STARD6: variants seen among roughly 807,000 people sequenced by gnomAD.
STARD6 encodes the protein stAR-related lipid transfer protein 6.
A neutral mutation model predicts 22.3 loss-of-function variants in STARD6; 21 were observed. That is an observed-to-expected ratio of 0.94 (90% CI 0.67 to 1.35). The LOEUF (loss-of-function observed/expected upper bound fraction) is 1.35, where lower values mean the gene tolerates loss of function less well. Ranked by LOEUF, STARD6 falls within the 40% of genes most tolerant of loss-of-function variation. STARD6 has a pLI of 0.00. For synonymous variants in STARD6, 80 were observed against 88.1 expected (o/e 0.91, Z 0.52); for missense variants, 269 against 266.9 (o/e 1.01, Z -0.05).
In STARD6 at chr18:54,354,516, C is replaced by T; in HGVS notation, c.58G>A (p.Asp20Asn). The T allele has an allele frequency of 1.2e-6, 2 of 1,613,498 alleles. No individual in the cohort carries two copies. Among genetic ancestry groups the T allele is most frequent in the East Asian group, 2.2e-5 (1 of 44,850 alleles). Residue 20 changes from aspartate to asparagine, a missense_variant, in exon 3 of 8, where the codon GAT (aspartate) becomes AAT (asparagine). Transcript: ENST00000307844. ...TTAACCACTTTCCAGCCTGATGTAT[C>T]TCGATTATAACCTAAAACTTCTTGG... ...TAQEVLGYNRDTSGWKVVKTS... is the reference protein window; with the variant it reads ...TAQEVLGYNRNTSGWKVVKTS...
intron 5 of STARD6, among the ~76,000 whole-genome samples, chr18:54,333,755 AT>A (rs1165396729): frequency 1.3e-5 from 2 of 152,218 alleles, no homozygotes; most frequent in Non-Finnish European, 2.9e-5. Context: ...AGTAGGTAAA[AT>A]TACAGAGTTC....
At chr18:54,342,145 G>A (rs1274449797) in intron 4 of STARD6, among the ~76,000 whole-genome samples, 5 of 152,160 alleles carry the variant, frequency 3.3e-5, no homozygotes, top group African/African-American at 7.2e-5. Context: ...AATGGACAAC[G>A]TCCTAGAAAA....
At chr18:54,342,961 A>C (rs1599305295) in intron 4 of STARD6, among the ~76,000 whole-genome samples, 1 of 1,308 alleles carries the variant, frequency 7.6e-4, no homozygotes, top group Non-Finnish European at 1.5e-3. Context: ...CCGGCCGCCC[A>C]GTCTGGGAAG....
intron 4 of STARD6, among the ~76,000 whole-genome samples, chr18:54,350,061 C>T (rs1018894789): frequency 6.6e-6 from 1 of 152,162 alleles, no homozygotes; most frequent in Non-Finnish European, 1.5e-5. Flanking sequence ...AATCTCCATG[C>T]TGTTTTCCAT....
chr18:54,342,564 C>T (rs1812503339), intron 4 of STARD6, among the ~76,000 whole-genome samples: 1 of 137,864 alleles, frequency 7.3e-6, no homozygotes, highest in African/African-American at 2.9e-5. Context: ...CTCACTGCAA[C>T]CTCCCTGCCT....
chr18:54,347,492 C>G (rs2089047960), intron 4 of STARD6, among the ~76,000 whole-genome samples: 1 of 151,768 alleles, frequency 6.6e-6, no homozygotes, highest in Non-Finnish European at 1.5e-5. Context: ...TAATATAAAC[C>G]CCAAATTCTA....
At chr18:54,335,815 C>T (rs577748684) in intron 5 of STARD6, among the ~76,000 whole-genome samples, 5 of 152,262 alleles carry the variant, frequency 3.3e-5, no homozygotes, top group African/African-American at 9.6e-5. Context: ...CCTGTTACCT[C>T]ATGCCAAGGT....
At chr18:54,345,377 T>C (rs1378012167) in intron 4 of STARD6, among the ~76,000 whole-genome samples, 3 of 152,176 alleles carry the variant, frequency 2.0e-5, no homozygotes, top group Admixed American at 1.3e-4. Flanking sequence ...GTTTAAGACA[T>C]ATACTGAAAC....
chr18:54,342,563 A>G (rs1221310317), intron 4 of STARD6, among the ~76,000 whole-genome samples: 5 of 123,958 alleles, frequency 4.0e-5, no homozygotes, highest in African/African-American at 1.6e-4. Context: ...GCTCACTGCA[A>G]CCTCCCTGCC....
At chr18:54,338,016 C>T (rs558701123) in intron 4 of STARD6, among the ~76,000 whole-genome samples, 1 of 152,264 alleles carries the variant, frequency 6.6e-6, no homozygotes, top group South Asian at 2.1e-4. Flanking sequence ...TGTGTTTATG[C>T]ACCGGCTCTG....
rs529775730 is a variant in STARD6 at position 54,325,244 on chromosome 18, C to A, written c.480-369G>T. Among the ~76,000 whole-genome samples, 324 of 151,878 alleles carry A rather than the reference C, an allele frequency of 2.1e-3. 1 individual carries two copies. The highest frequency in any genetic ancestry group is 4.4e-3 in the East Asian group (23 of 5,172). ...TTTTCGCGTGACTATCTTTCTCTCT[C>A]TCTATATATATACACAAAAACAGCA... On this transcript the variant is annotated intron_variant, in intron 7 of 7. Coordinates refer to ENST00000307844, the MANE Select transcript of STARD6 (RefSeq NM_139171.2).
chr18:54,341,239 T>C (rs918924965), intron 4 of STARD6, among the ~76,000 whole-genome samples: 6 of 152,156 alleles, frequency 3.9e-5, no homozygotes, highest in Non-Finnish European at 8.8e-5. Flanking sequence ...TTTTGTATTT[T>C]TAGTAGAGAC....
intron 4 of STARD6, among the ~76,000 whole-genome samples, chr18:54,340,135 T>C (rs2088957042): frequency 6.6e-6 from 1 of 152,108 alleles, no homozygotes; most frequent in Non-Finnish European, 1.5e-5. Flanking sequence ...GATAGAAATA[T>C]CTTGAAGTAT....
In STARD6 at chr18:54,337,211, G is replaced by A; in HGVS notation, c.181C>T (p.Leu61=). 1 of 1,613,398 alleles carries A rather than the reference G, an allele frequency of 6.2e-7. No individual in the cohort carries two copies. The highest frequency in any genetic ancestry group is 1.1e-5 in the South Asian group (1 of 91,018). Residue 61 remains leucine, a synonymous_variant, in exon 5 of 8, where the codon CTA becomes TTA. Coordinates refer to ENST00000307844, the MANE Select transcript of STARD6 (RefSeq NM_139171.2). Reference sequence around the variant, plus strand: ...CCAGTTTGGTAGAGGAAATCAGATAGTTTAGCTGGTGATTCTGGAATTATC... The same window carrying A: ...CCAGTTTGGTAGAGGAAATCAGATAATTTAGCTGGTGATTCTGGAATTATC... The part of the protein sequence containing the change: ...EGIIPESPAK[L]SDFLYQTGDR...
chr18:54,353,059 G>A (rs1275616835), intron 4 of STARD6, among the ~76,000 whole-genome samples: 1 of 152,026 alleles, frequency 6.6e-6, no homozygotes, highest in Non-Finnish European at 1.5e-5. Flanking sequence ...AAAGTGAGTG[G>A]GAGAAAGCAT....
At chr18:54,346,789 T>A (rs1209728118) in intron 4 of STARD6, among the ~76,000 whole-genome samples, 3 of 152,056 alleles carry the variant, frequency 2.0e-5, no homozygotes, top group Non-Finnish European at 2.9e-5. Context: ...AAAGAATTTG[T>A]GAAAGAAGCA....
At chr18:54,355,766 A>G (rs2089137375) in intron 2 of STARD6, 1 of 152,264 alleles carries the variant, frequency 6.6e-6, no homozygotes, top group Non-Finnish European at 1.5e-5. Flanking sequence ...GATACTAGAC[A>G]TAACTATTAC....
At chr18:54,354,250 C>A (rs2089123521) in intron 3 of STARD6, 147 bp from the exon 4 acceptor site, 2 of 624,516 alleles carry the variant, frequency 3.2e-6, no homozygotes, top group East Asian at 5.6e-5. Flanking sequence ...CAGGGTCTCA[C>A]TATGTTGCCC....
intron 4 of STARD6, among the ~76,000 whole-genome samples, chr18:54,347,759 A>C (rs2089050872): frequency 6.6e-6 from 1 of 152,098 alleles, no homozygotes; most frequent in South Asian, 2.1e-4. Flanking sequence ...ACCAGGATGA[A>C]TCCTGAGCTG....
Sources: gnomAD v4.1 joint callset for allele counts (sites outside exome capture counted in the v4.1 genomes callset) on GRCh38, gnomAD v4.1.1 for gene constraint, MANE v1.5 for transcripts, NCBI Gene and HGNC (gene_info 2026-07-23, HGNC 2026-07-21) for gene names.